Variants in CNTNAP2 observed in about 807,000 individuals in gnomAD.
The protein encoded by CNTNAP2 is contactin associated protein 2, also known as contactin-associated protein-like 2.
Under a neutral mutation model 155.2 loss-of-function variants are expected in CNTNAP2, and 98 were observed. That is an observed-to-expected ratio of 0.63 (90% CI 0.54 to 0.75). The LOEUF (loss-of-function observed/expected upper bound fraction) is 0.75, where lower values mean the gene tolerates loss of function less well. Among genes scored for constraint, CNTNAP2 ranks in the 30% least tolerant of loss-of-function variants. The pLI, the probability that CNTNAP2 is intolerant of heterozygous loss-of-function variation, is 0.00. For synonymous variants in CNTNAP2, 651 were observed against 631.2 expected, an observed-to-expected ratio of 1.03 and a Z score of -0.47; for missense variants, 1,727 against 1,688.1, an observed-to-expected ratio of 1.02 and a Z score of -0.40.
intron 1 of CNTNAP2, among the ~76,000 whole-genome samples, chr7:146,599,057 TC>T (rs1156618580): frequency 3.3e-5 from 5 of 152,020 alleles, no homozygotes; most frequent in Non-Finnish European, 7.4e-5. Context: ...CTCCTTACTT[TC>T]CCTGTCATAT....
At chr7:147,444,801 C>T (rs1238254557) in intron 10 of CNTNAP2, among the ~76,000 whole-genome samples, 1 of 152,134 alleles carries the variant, frequency 6.6e-6, no homozygotes, top group Non-Finnish European at 1.5e-5. Context: ...ATGTATTAGT[C>T]CGTTATCACA....
At chr7:148,028,597 T>A (rs547213118) in intron 15 of CNTNAP2, among the ~76,000 whole-genome samples, 1 of 152,320 alleles carries the variant, frequency 6.6e-6, no homozygotes, top group East Asian at 1.9e-4. Context: ...ATATGTTGTA[T>A]ACTTCTCAGT....
intron 1 of CNTNAP2, among the ~76,000 whole-genome samples, chr7:146,557,871 T>C (rs117262056): frequency 6.6e-6 from 1 of 152,328 alleles, no homozygotes; most frequent in East Asian, 1.9e-4. Flanking sequence ...GTGAGAGTTA[T>C]AGTTTTATTT....
chr7:147,132,388 C>T lies in CNTNAP2; in HGVS notation c.1227C>T (p.Leu409=), dbSNP rs756898951. ...FQFRTWNPNG[L]LVFSHFADNL... is the part of the protein sequence containing the mutation. ...TTAGGACATGGAACCCCAATGGTCT[C>T]CTGGTCTTCAGTCACTTTGCGGATA... The change falls in exon 8 of 24, where the codon CTC becomes CTT. Residue 409 remains leucine, a synonymous_variant. Coordinates refer to ENST00000361727, the MANE Select transcript of CNTNAP2 (RefSeq NM_014141.6). 7 of 1,613,558 alleles carry T rather than the reference C, an allele frequency of 4.3e-6. No homozygotes were observed. In the East Asian group the frequency reaches 1.3e-4, roughly 31 times the overall value.
chr7:147,820,996 C>T (rs1270249812), intron 13 of CNTNAP2, among the ~76,000 whole-genome samples: 2 of 151,958 alleles, frequency 1.3e-5, no homozygotes, highest in Non-Finnish European at 2.9e-5. Context: ...ATTAATATGT[C>T]TAGCTTTTGT....
chr7:147,441,871 C>G (rs936040995), intron 10 of CNTNAP2, among the ~76,000 whole-genome samples: 1 of 147,518 alleles, frequency 6.8e-6, no homozygotes, highest in African/African-American at 2.5e-5. Flanking sequence ...CTCCCTCCCT[C>G]CCTCCCTCCG....
Position 146,843,264 on chromosome 7 carries a change from G to A in CNTNAP2, c.402+3360G>A, listed in dbSNP as rs1208744490. 3.4e-5 allele frequency among the ~76,000 whole-genome samples: 5 copies of A among 146,240 alleles called. No individual in the cohort carries two copies. In the East Asian group the frequency reaches 6.0e-4, roughly 18 times the overall value. On this transcript the variant is annotated intron_variant, in intron 3 of 23. Transcript: ENST00000361727. ...CCTGACCTCATGATCCACCCGCCTC[G>A]GCCTCCCAAAGTGCTGGGATTACAG... is the stretch of plus-strand genomic sequence containing the variant.
At chr7:146,209,121 G>A (rs972460830) in intron 1 of CNTNAP2, among the ~76,000 whole-genome samples, 6 of 151,980 alleles carry the variant, frequency 3.9e-5, no homozygotes, top group Admixed American at 2.0e-4. Flanking sequence ...TGATGCTGTC[G>A]CCATTTAAAT....
At chr7:146,898,314 A>G (rs939931595) in intron 3 of CNTNAP2, among the ~76,000 whole-genome samples, 7 of 152,120 alleles carry the variant, frequency 4.6e-5, no homozygotes, top group African/African-American at 1.2e-4. Context: ...ATTGTTTTCA[A>G]TTGGTTTCTT....
intron 1 of CNTNAP2, among the ~76,000 whole-genome samples, chr7:146,255,348 A>G (rs1329901487): frequency 3.9e-5 from 6 of 152,172 alleles, no homozygotes; most frequent in Non-Finnish European, 8.8e-5. Context: ...CACTTTGCTG[A>G]TAGGGATTCA....
In CNTNAP2 at chr7:147,577,192, T is replaced by G. The variant is rs138635330; in HGVS notation, c.1897+14935T>G. Among the ~76,000 whole-genome samples the G allele has an allele frequency of 3.0e-3, 461 of 152,138 alleles. 4 individuals carry two copies. Among genetic ancestry groups the G allele is most frequent in the African/African-American group, 0.01 (432 of 41,534 alleles). On this transcript the variant is annotated intron_variant, in intron 12 of 23. Transcript: ENST00000361727. Reference sequence around the variant, plus strand: ...TAACAGTGTCACTGATGATCCTCGGTTCATTCATCATACTTCTGCGTCACT... The same window carrying G: ...TAACAGTGTCACTGATGATCCTCGGGTCATTCATCATACTTCTGCGTCACT...
At chr7:147,605,733 G>A (rs1420483330) in intron 12 of CNTNAP2, among the ~76,000 whole-genome samples, 2 of 152,050 alleles carry the variant, frequency 1.3e-5, no homozygotes, top group Non-Finnish European at 2.9e-5. Context: ...GCGCTTTTGG[G>A]GGAGAAAGAG....
At chr7:147,295,956 C>A (rs1310794448) in intron 8 of CNTNAP2, among the ~76,000 whole-genome samples, 1 of 151,994 alleles carries the variant, frequency 6.6e-6, no homozygotes, top group African/African-American at 2.4e-5. Flanking sequence ...ATAAAATAAC[C>A]TTTTAATTTT....
rs116861756 is a variant in CNTNAP2 at position 148,305,274 on chromosome 7, T to C, written c.3475+38148T>C. On this transcript the variant is annotated intron_variant, in intron 21 of 23. Transcript: ENST00000361727. ...AAAAGTTTCCTTTCCTACACACTAT[T>C]TTGTTTTCCTTAATCATTATATTGT... 5.0e-4 allele frequency among the ~76,000 whole-genome samples: 76 copies of C among 151,718 alleles called. 1 individual carries two copies. In the East Asian group the frequency reaches 0.013, roughly 26 times the overall value.
intron 8 of CNTNAP2, among the ~76,000 whole-genome samples, chr7:147,187,948 C>A: frequency 6.6e-6 from 1 of 152,142 alleles, no homozygotes; most frequent in African/African-American, 2.4e-5. Flanking sequence ...GTGGTCCCAG[C>A]TACTTGGGAG....
chr7:146,505,092 A>G (rs1042608946), intron 1 of CNTNAP2, among the ~76,000 whole-genome samples: 1 of 152,176 alleles, frequency 6.6e-6, no homozygotes, highest in Non-Finnish European at 1.5e-5. Flanking sequence ...GTTTTGTGGC[A>G]TCCCCTATCC....
intron 10 of CNTNAP2, among the ~76,000 whole-genome samples, chr7:147,415,818 A>G (rs1377410333): frequency 6.6e-6 from 1 of 152,162 alleles, no homozygotes; most frequent in Admixed American, 6.5e-5. Flanking sequence ...TTAATCATGG[A>G]AGGAGTGTAA....
chr7:147,083,794 C>T (rs1234697094), intron 4 of CNTNAP2, among the ~76,000 whole-genome samples: 1 of 135,098 alleles, frequency 7.4e-6, no homozygotes, highest in Non-Finnish European at 1.5e-5. Context: ...ATTATATATA[C>T]ATATACACAT....
chr7:146,142,774 T>A (rs1797899041), intron 1 of CNTNAP2, among the ~76,000 whole-genome samples: 1 of 152,206 alleles, frequency 6.6e-6, no homozygotes, highest in African/African-American at 2.4e-5. Flanking sequence ...CTACTATGAC[T>A]GCCAAATTTT....
Sources: gnomAD v4.1 joint callset for allele counts (sites outside exome capture counted in the v4.1 genomes callset) on GRCh38, gnomAD v4.1.1 for gene constraint, MANE v1.5 for transcripts, NCBI Gene and HGNC (gene_info 2026-07-23, HGNC 2026-07-21) for gene names.